Variants in DCAF1 observed in about 807,000 individuals in gnomAD.
DCAF1 encodes DDB1- and CUL4-associated factor 1.
Under a neutral mutation model 128.0 loss-of-function variants are expected in DCAF1, and 15 were observed. The ratio of observed to expected loss-of-function variants is 0.12; its 90% CI spans 0.08 to 0.18. DCAF1 has a LOEUF of 0.18. Among genes scored for constraint, DCAF1 ranks in the 10% least tolerant of loss-of-function variants. The probability of loss-of-function intolerance (pLI) is 1.00; values close to 1 mark genes in which losing one functional copy is unlikely to be tolerated. For missense variants in DCAF1, 988 were observed against 1,649.5 expected (o/e 0.60, Z 6.95); for synonymous variants, 610 against 603.0 (o/e 1.01, Z -0.17).
chr3:51,407,939 C>A (rs1698028544), intron 23 of DCAF1, among the ~76,000 whole-genome samples: 1 of 118,992 alleles, frequency 8.4e-6, no homozygotes, highest in Non-Finnish European at 1.6e-5. Flanking sequence ...GAGCCAAGAT[C>A]GCAACACTGC....
Position 51,482,764 on chromosome 3 carries a change from CAAAAAAAAAA to C in DCAF1, c.110+945_110+954del, listed in dbSNP as rs797042469. On this transcript the variant is annotated intron_variant, in intron 3 of 24. Transcript: ENST00000684031. ...CAGGAGACAGTGCAACACTCCATCTCAAAAAAAAAAAAAAAAAAAAAGATACATTCACCAA... is the reference window on the plus strand; with the variant it reads ...CAGGAGACAGTGCAACACTCCATCTCAAAAAAAAAAAGATACATTCACCAA... Among the ~76,000 whole-genome samples, 210 of 29,986 alleles carry C rather than the reference CAAAAAAAAAA, an allele frequency of 7.0e-3. 4 individuals are homozygous for C. In the East Asian group the frequency reaches 0.13, roughly 19 times the overall value. The allele number at this position is 29,986 out of a possible 152,430, so 19.7% of individuals were successfully genotyped here. A position where few individuals can be genotyped will look rare whatever the true frequency, so the allele number is the denominator to read the frequency against.
At chr3:51,442,146 T>C (rs1039180711) in intron 7 of DCAF1, among the ~76,000 whole-genome samples, 14 of 152,142 alleles carry the variant, frequency 9.2e-5, no homozygotes, top group African/African-American at 3.4e-4. Flanking sequence ...AATACATCAT[T>C]GACAACTGAT....
chr3:51,500,535 T>C, upstream of DCAF1, among the ~76,000 whole-genome samples: 1 of 152,102 alleles, frequency 6.6e-6, no homozygotes, highest in East Asian at 1.9e-4. Context: ...TGGTTGTTTT[T>C]TGTTTGTTTT....
At chr3:51,500,076 C>G (rs1708705163), upstream of DCAF1, 1 of 133,984 alleles carries the variant, frequency 7.5e-6, no homozygotes, top group African/African-American at 2.8e-5. Context: ...GCGCGAGGAC[C>G]GCGAGCAAGG....
intron 14 of DCAF1, 118 bp downstream of exon 14, chr3:51,422,189 C>G: frequency 1.5e-6 from 1 of 646,274 alleles, no homozygotes; most frequent in Non-Finnish European, 2.8e-6. Flanking sequence ...AAGGAGCCCC[C>G]CTCTACTACT....
At chr3:51,463,523 T>C (rs1414444896) in intron 5 of DCAF1, among the ~76,000 whole-genome samples, 1 of 152,066 alleles carries the variant, frequency 6.6e-6, no homozygotes, top group Non-Finnish European at 1.5e-5. Flanking sequence ...TGATGCACAC[T>C]TGTAATCCCA....
intron 17 of DCAF1, 104 bp downstream of exon 17, chr3:51,418,012 C>T (rs1265278071): frequency 7.1e-7 from 1 of 1,416,252 alleles, no homozygotes; most frequent in Admixed American, 2.6e-5. Flanking sequence ...CAATAACCGA[C>T]AGCATCCTCT....
At chr3:51,416,894 CTGAAG>C in intron 17 of DCAF1, 23 bp from the exon 18 acceptor site, 1 of 1,593,320 alleles carries the variant, frequency 6.3e-7, no homozygotes. Context: ...AACAGGAGCA[CTGAAG>C]TGACAGATCT....
chr3:51,482,764 CAAA>C (rs797042469), intron 3 of DCAF1, among the ~76,000 whole-genome samples: 5 of 29,984 alleles, frequency 1.7e-4, no homozygotes, highest in Non-Finnish European at 7.6e-5. Context: ...CACTCCATCT[CAAA>C]AAAAAAAAAA....
intron 5 of DCAF1, among the ~76,000 whole-genome samples, chr3:51,463,645 T>C (rs994448198): frequency 6.6e-6 from 1 of 151,964 alleles, no homozygotes; most frequent in Non-Finnish European, 1.5e-5. Context: ...TAGCCAAGCA[T>C]GGTGGCACAT....
At chr3:51,482,713 C>A (rs1260270054) in intron 3 of DCAF1, among the ~76,000 whole-genome samples, 1 of 123,220 alleles carries the variant, frequency 8.1e-6, no homozygotes, top group African/African-American at 3.2e-5. Flanking sequence ...TGCAGTGAGC[C>A]GAGATCGTGC....
rs1698732988 is a variant in DCAF1 at position 51,414,819 on chromosome 3, C to T, written c.3642G>A (p.Leu1214=). 4.3e-6 allele frequency: 7 copies of T among 1,613,898 alleles called. No individual in the cohort carries two copies. The highest frequency in any genetic ancestry group is 2.2e-5 in the East Asian group (1 of 44,898). ...AGTTGTTGGCAAGATCTGGGTTAAACAGAGTCAACAGCTTGTTGCCAGTCT... is the reference window on the plus strand; with the variant it reads ...AGTTGTTGGCAAGATCTGGGTTAAATAGAGTCAACAGCTTGTTGCCAGTCT... ...DIQTGNKLLT[L]FNPDLANNYK... Residue 1214 remains leucine, a synonymous_variant, in exon 19 of 25, where the codon CTG becomes CTA. Coordinates refer to ENST00000684031, the MANE Select transcript of DCAF1 (RefSeq NM_001387579.1).
At chr3:51,398,983 G>A (rs2089437364) in intron 24 of DCAF1, among the ~76,000 whole-genome samples, 156 bp from the exon 25 acceptor site, 1 of 152,254 alleles carries the variant, frequency 6.6e-6, no homozygotes, top group Admixed American at 6.5e-5. Flanking sequence ...CTTGGAGCTG[G>A]CTCTGGAGAA....
chr3:51,451,069 CTTTTTTTTTTTTTTT>C lies in DCAF1; in HGVS notation c.376-7181_376-7167del, dbSNP rs1167474829. On this transcript the variant is annotated intron_variant, in intron 6 of 24. Coordinates refer to ENST00000684031, the MANE Select transcript of DCAF1 (RefSeq NM_001387579.1). ...CAATGAACAATATAAAAAGGAAATT[CTTTTTTTTTTTTTTT>C]TTTTTTTTTTTTTTTTTTTTTAGTG... Among the ~76,000 whole-genome samples, 34 of 27,110 alleles carry C rather than the reference CTTTTTTTTTTTTTTT, an allele frequency of 1.3e-3. 1 individual carries two copies. The highest frequency in any genetic ancestry group is 0.056 in the Middle Eastern group (2 of 36). 17.8% of individuals were successfully genotyped at this position (27,110 alleles called of 152,430 possible). A position where few individuals can be genotyped will look rare whatever the true frequency, so the allele number is the denominator to read the frequency against.
At chr3:51,435,338 A>G (rs1700711730) in intron 9 of DCAF1, among the ~76,000 whole-genome samples, 1 of 152,112 alleles carries the variant, frequency 6.6e-6, no homozygotes, top group South Asian at 2.1e-4. Flanking sequence ...GCTTCATCCC[A>G]CTGTGCAAAG....
rs889776225 is a variant in DCAF1 at position 51,398,478 on chromosome 3, C to T, written c.*291G>A. On this transcript the variant is annotated 3_prime_UTR_variant, in exon 25 of 25. Coordinates refer to ENST00000684031, the MANE Select transcript of DCAF1 (RefSeq NM_001387579.1). ...AATATATTGTGAAATACCCCAGAGA[C>T]ATGGTTTTTTTTTCCCCTTGAAAGA... 25 of 344,556 alleles carry T rather than the reference C, an allele frequency of 7.3e-5. No individual in the cohort carries two copies. In the Middle Eastern group the frequency reaches 2.4e-3, roughly 34 times the overall value. 21.3% of individuals were successfully genotyped at this position (344,556 alleles called of 1,614,324 possible). A position where few individuals can be genotyped will look rare whatever the true frequency, so the allele number is the denominator to read the frequency against.
At chr3:51,460,709 A>C (rs1445608175) in intron 6 of DCAF1, among the ~76,000 whole-genome samples, 27 of 152,344 alleles carry the variant, frequency 1.8e-4, no homozygotes, top group African/African-American at 5.3e-4. Flanking sequence ...GTACCAAAAC[A>C]GATATATAGA....
At chr3:51,450,785 G>C (rs1553641312) in intron 6 of DCAF1, among the ~76,000 whole-genome samples, 4 of 152,078 alleles carry the variant, frequency 2.6e-5, no homozygotes, top group African/African-American at 9.7e-5. Flanking sequence ...CCTGGTCAAG[G>C]TGTCCACTTT....
At position 51,412,263 on chromosome 3, in the gene DCAF1, A is replaced by G; in HGVS notation, c.4212+116T>C. The G allele has an allele frequency of 1.1e-5, 16 of 1,436,090 alleles. No individual in the cohort carries two copies. In the Middle Eastern group the frequency reaches 1.6e-3, roughly 144 times the overall value. 89.0% of individuals were successfully genotyped at this position (1,436,090 alleles called of 1,614,324 possible). On this transcript the variant is annotated intron_variant, in intron 23 of 24. Transcript: ENST00000684031. The stretch of plus-strand genomic sequence containing the variant: ...TCAAGGGTACATGACAAGCCTTATG[A>G]ATGTGGCAACAGGTAGCAAAGGTTG...
Sources: allele counts gnomAD v4.1 joint callset (sites outside exome capture counted in the v4.1 genomes callset), GRCh38; gene constraint gnomAD v4.1.1; transcripts MANE v1.5; gene names NCBI Gene and HGNC (gene_info 2026-07-23, HGNC 2026-07-21).